The following LIPJ variants were observed in gnomAD, a reference collection of about 807,000 sequenced individuals.
LIPJ encodes the protein lipase family member J.
Under a neutral mutation model 39.8 loss-of-function variants are expected in LIPJ, and 33 were observed. The observed-to-expected ratio is 0.83, with a 90% confidence interval of 0.63 to 1.11. The LOEUF (loss-of-function observed/expected upper bound fraction) is 1.11. LIPJ is among the 50% of genes least tolerant of loss of function. LIPJ has a pLI of 0.00. For missense variants in LIPJ, 422 were observed against 427.9 expected, an observed-to-expected ratio of 0.99 and a Z score of 0.12; for synonymous variants, 128 against 139.2, an observed-to-expected ratio of 0.92 and a Z score of 0.57.
At chr10:88,606,840 T>C (rs762374926) in exon 11 of LIPJ, 59 of 1,608,928 alleles carry the variant, frequency 3.7e-5, no homozygotes, top group South Asian at 3.3e-4. Context: ...ATAGACTCTT[T>C]GTTTGGATTA....
the LIPJ span, among the ~76,000 whole-genome samples, chr10:88,612,289 G>A: frequency 6.6e-6 from 1 of 152,068 alleles, no homozygotes; most frequent in Admixed American, 6.6e-5. Flanking sequence ...CAAATCCTTT[G>A]AATACACCAA....
chr10:88,595,234 A>G (rs1851214003), intron 6 of LIPJ, among the ~76,000 whole-genome samples: 1 of 151,784 alleles, frequency 6.6e-6, no homozygotes, highest in Admixed American at 6.6e-5. Flanking sequence ...ATATTTAAAG[A>G]TGACTAGAAA....
At chr10:88,582,959 G>T, upstream of LIPJ, 1 of 1,232,532 alleles carries the variant, frequency 8.1e-7, no homozygotes, top group Non-Finnish European at 1.1e-6. Context: ...GGCCGCTCAG[G>T]GAGCTGAGGG....
At chr10:88,611,010 A>G (rs1014584957), downstream of LIPJ, among the ~76,000 whole-genome samples, 58 of 152,118 alleles carry the variant, frequency 3.8e-4, 1 homozygote, top group African/African-American at 1.4e-3. Context: ...CACAGAACCC[A>G]CTTCACTCCC....
intron 8 of LIPJ, among the ~76,000 whole-genome samples, chr10:88,598,450 C>CT (rs1286448535): frequency 6.6e-6 from 1 of 151,968 alleles, no homozygotes; most frequent in Non-Finnish European, 1.5e-5. Context: ...AAGTTTTGAC[C>CT]TTGTCCAGGT....
upstream of LIPJ, among the ~76,000 whole-genome samples, chr10:88,585,991 T>A (rs1850900165): frequency 6.6e-6 from 1 of 152,254 alleles, no homozygotes. Flanking sequence ...TTTCTTTTCC[T>A]TGAACACATC....
the LIPJ span, among the ~76,000 whole-genome samples, chr10:88,616,752 G>A: frequency 6.6e-6 from 1 of 152,194 alleles, no homozygotes; most frequent in Non-Finnish European, 1.5e-5. Flanking sequence ...GCCTGGAGAA[G>A]GGGAGATGAA....
chr10:88,589,982 A>G (rs953596311), intron 2 of LIPJ, among the ~76,000 whole-genome samples: 1 of 151,716 alleles, frequency 6.6e-6, no homozygotes, highest in Non-Finnish European at 1.5e-5. Context: ...TACAAGGCTC[A>G]TAAGATTAGT....
intron 4 of LIPJ, 34 bp downstream of exon 4, chr10:88,591,532 C>A: frequency 6.4e-7 from 1 of 1,568,116 alleles, no homozygotes; most frequent in South Asian, 1.2e-5. Context: ...TGGTGACAAT[C>A]TGGGGCCTGA....
chr10:88,593,870 G>T, intron 4 of LIPJ, 76 bp from the exon 5 acceptor site: 1 of 1,291,344 alleles, frequency 7.7e-7, no homozygotes, highest in Non-Finnish European at 1.1e-6. Context: ...TGTACTAAAA[G>T]TTTGAATTTC....
chr10:88,583,179 C>A (rs1228380787), upstream of LIPJ: 1 of 1,613,858 alleles, frequency 6.2e-7, no homozygotes, highest in Non-Finnish European at 8.5e-7. Flanking sequence ...CCACGATCAG[C>A]ACCTGCGCCA....
intron 6 of LIPJ, 70 bp downstream of exon 6, chr10:88,594,846 G>A (rs577591613): frequency 3.7e-5 from 25 of 680,092 alleles, no homozygotes; most frequent in Admixed American, 5.9e-5. Flanking sequence ...ACTTCTTAAA[G>A]TTGTAGATAA....
chr10:88,616,628 C>T, the LIPJ span, among the ~76,000 whole-genome samples: 8 of 152,156 alleles, frequency 5.3e-5, no homozygotes, highest in African/African-American at 1.4e-4. Flanking sequence ...AAGAAGTGGA[C>T]GCCCACCAAT....
the LIPJ span, among the ~76,000 whole-genome samples, chr10:88,613,382 A>T: frequency 4.6e-5 from 7 of 152,222 alleles, no homozygotes; most frequent in African/African-American, 1.2e-4. Context: ...TACCCAGTGA[A>T]TGCTAAGTGG....
At chr10:88,609,898 C>CA (rs11305444), downstream of LIPJ, among the ~76,000 whole-genome samples, 283 of 84,402 alleles carry the variant, frequency 3.4e-3, no homozygotes, top group African/African-American at 8.4e-3. Flanking sequence ...GACTCTGTCT[C>CA]AAAAAAAAAA....
At chr10:88,603,250 A>G (rs10887840) in intron 9 of LIPJ, among the ~76,000 whole-genome samples, 44,285 of 152,054 alleles carry the variant, frequency 0.29, 6,769 homozygotes, top group East Asian at 0.53. Flanking sequence ...GACTTGCCCA[A>G]TGCTTCAAAG....
chr10:88,590,236 T>C (rs1851035921), intron 2 of LIPJ, among the ~76,000 whole-genome samples: 1 of 151,780 alleles, frequency 6.6e-6, no homozygotes, highest in African/African-American at 2.4e-5. Context: ...AGGCTGGTAA[T>C]AATACTATTA....
chr10:88,588,015 A>C (rs552950926), intron 2 of LIPJ, among the ~76,000 whole-genome samples: 82 of 152,106 alleles, frequency 5.4e-4, no homozygotes, highest in Non-Finnish European at 1.1e-3. Context: ...TTTATTTTAC[A>C]TGTATAAAAG....
downstream of LIPJ, among the ~76,000 whole-genome samples, chr10:88,607,585 C>A (rs2134591320): frequency 6.6e-6 from 1 of 152,240 alleles, no homozygotes; most frequent in Admixed American, 6.5e-5. Flanking sequence ...AAACATTATG[C>A]ACTGTCGCTT....
Sources: allele counts gnomAD v4.1 joint callset (sites outside exome capture counted in the v4.1 genomes callset), GRCh38; gene constraint gnomAD v4.1.1; transcripts MANE v1.5; gene names NCBI Gene and HGNC (gene_info 2026-07-23, HGNC 2026-07-21).